Variants in EXOC6B observed in about 807,000 individuals in gnomAD.
EXOC6B encodes exocyst complex component 6B, also known as SEC15 homolog B.
In EXOC6B, 54 loss-of-function variants were observed where a neutral mutation model predicts 113.5. The ratio of observed to expected loss-of-function variants is 0.48; its 90% CI spans 0.38 to 0.60. EXOC6B has a LOEUF of 0.60. EXOC6B is among the 20% of genes least tolerant of loss of function. EXOC6B has a pLI of 0.00. For synonymous variants in EXOC6B, 357 were observed against 339.0 expected (o/e 1.05, Z -0.58); for missense variants, 797 against 977.5 (o/e 0.82, Z 2.46).
intron 18 of EXOC6B, among the ~76,000 whole-genome samples, chr2:72,409,507 C>T (rs1694019182): frequency 6.6e-6 from 1 of 152,096 alleles, no homozygotes; most frequent in East Asian, 1.9e-4. Flanking sequence ...GAAAAGTTGG[C>T]ACATATACAC....
chr2:72,266,446 G>A (rs62147632), intron 20 of EXOC6B, among the ~76,000 whole-genome samples: 558 of 123,952 alleles, frequency 4.5e-3, no homozygotes, highest in South Asian at 0.011. Context: ...GTGTAAGGAA[G>A]GGATCCAGTT....
At chr2:72,272,164 T>C (rs1684532085) in intron 20 of EXOC6B, among the ~76,000 whole-genome samples, 1 of 152,124 alleles carries the variant, frequency 6.6e-6, no homozygotes. Flanking sequence ...GGCTGTGAAG[T>C]GCAGTGAGGT....
At chr2:72,671,268 C>G (rs1373495541) in intron 6 of EXOC6B, among the ~76,000 whole-genome samples, 1 of 152,166 alleles carries the variant, frequency 6.6e-6, no homozygotes, top group African/African-American at 2.4e-5. Context: ...ATCTATCTGA[C>G]AAGGGACTAA....
At chr2:72,631,229 TAC>T (rs1407332410) in intron 6 of EXOC6B, among the ~76,000 whole-genome samples, 21 of 151,842 alleles carry the variant, frequency 1.4e-4, no homozygotes, top group Non-Finnish European at 2.6e-4. Context: ...TATGTGTGTG[TAC>T]ATATATGTAT....
At chr2:72,627,429 A>G (rs1558858619) in intron 6 of EXOC6B, among the ~76,000 whole-genome samples, 1 of 152,216 alleles carries the variant, frequency 6.6e-6, no homozygotes, top group Non-Finnish European at 1.5e-5. Flanking sequence ...TAATTTGACA[A>G]ACTATGCTGC....
intron 8 of EXOC6B, among the ~76,000 whole-genome samples, chr2:72,516,271 C>T (rs1402182559): frequency 6.6e-6 from 1 of 152,006 alleles, no homozygotes; most frequent in East Asian, 1.9e-4. Flanking sequence ...TTTTTTGAGA[C>T]AGCATCTCAC....
At chr2:72,281,099 C>T (rs886295735) in intron 20 of EXOC6B, among the ~76,000 whole-genome samples, 1 of 152,126 alleles carries the variant, frequency 6.6e-6, no homozygotes, top group Non-Finnish European at 1.5e-5. Flanking sequence ...AGTTGGGACA[C>T]ATAAAGGGAT....
intron 6 of EXOC6B, among the ~76,000 whole-genome samples, chr2:72,587,253 T>C (rs2103905946): frequency 6.6e-6 from 1 of 152,336 alleles, no homozygotes; most frequent in East Asian, 1.9e-4. Context: ...AATGAAATCA[T>C]GTCCTTTGCA....
At chr2:72,236,751 T>C (rs1028275984) in intron 20 of EXOC6B, among the ~76,000 whole-genome samples, 9 of 152,028 alleles carry the variant, frequency 5.9e-5, no homozygotes, top group Non-Finnish European at 1.0e-4. Flanking sequence ...AGATTTAGTA[T>C]AAATAGATTA....
chr2:72,819,079 T>A (rs1207988542), intron 1 of EXOC6B, among the ~76,000 whole-genome samples: 1 of 152,216 alleles, frequency 6.6e-6, no homozygotes, highest in Non-Finnish European at 1.5e-5. Context: ...TGGAAGAGTA[T>A]CTGGCACATA....
At chr2:72,575,295 T>A (rs1022563755) in intron 7 of EXOC6B, among the ~76,000 whole-genome samples, 197 bp downstream of exon 7, 1 of 152,138 alleles carries the variant, frequency 6.6e-6, no homozygotes, top group African/African-American at 2.4e-5. Context: ...ATTTGAATTC[T>A]CAAAAAAGAA....
intron 6 of EXOC6B, among the ~76,000 whole-genome samples, chr2:72,624,867 G>A (rs564391979): frequency 6.6e-6 from 1 of 152,024 alleles, no homozygotes; most frequent in Non-Finnish European, 1.5e-5. Flanking sequence ...ACCTATAAAA[G>A]AAGAAACAGA....
intron 20 of EXOC6B, among the ~76,000 whole-genome samples, chr2:72,246,994 A>T (rs1161376444): frequency 6.6e-6 from 1 of 152,128 alleles, no homozygotes; most frequent in African/African-American, 2.4e-5. Context: ...TGTGATCCAT[A>T]TTTAGCAACT....
chr2:72,401,499 A>G (rs1693160129), intron 18 of EXOC6B, among the ~76,000 whole-genome samples: 1 of 57,162 alleles, frequency 1.7e-5, no homozygotes, highest in African/African-American at 3.2e-4. Context: ...ATATACATAT[A>G]TATATATATA....
intron 1 of EXOC6B, among the ~76,000 whole-genome samples, chr2:72,775,107 T>C (rs575283652): frequency 2.5e-4 from 38 of 152,272 alleles, no homozygotes; most frequent in Admixed American, 2.2e-3. Flanking sequence ...AGCAACTCAA[T>C]GTGTTCACCA....
chr2:72,724,187 G>C (rs1289898698), intron 5 of EXOC6B, among the ~76,000 whole-genome samples: 1 of 152,098 alleles, frequency 6.6e-6, no homozygotes, highest in Non-Finnish European at 1.5e-5. Context: ...CACATGGATA[G>C]GTAAAAAGAA....
intron 8 of EXOC6B, among the ~76,000 whole-genome samples, chr2:72,532,979 T>TATTTAGGGA (rs1171184855): frequency 6.6e-6 from 1 of 152,140 alleles, no homozygotes; most frequent in Non-Finnish European, 1.5e-5. Context: ...AATTTACCTA[T>TATTTAGGGA]AATAACTTTC....
At chr2:72,193,138 CA>C (rs1304940820) in intron 20 of EXOC6B, among the ~76,000 whole-genome samples, 1 of 152,068 alleles carries the variant, frequency 6.6e-6, no homozygotes, top group Non-Finnish European at 1.5e-5. Flanking sequence ...GGCAGTAGAG[CA>C]CAGCAAAAAG....
At chr2:72,508,184 A>AAAAAAAAAACAC (rs923877882) in intron 11 of EXOC6B, among the ~76,000 whole-genome samples, 3 of 89,114 alleles carry the variant, frequency 3.4e-5, no homozygotes, top group African/African-American at 2.0e-4. Flanking sequence ...AAAAAAAAAA[A>AAAAAAAAAACAC]ACACCTAAAA....
Sources: allele counts gnomAD v4.1 joint callset (sites outside exome capture counted in the v4.1 genomes callset), GRCh38; gene constraint gnomAD v4.1.1; transcripts MANE v1.5; gene names NCBI Gene and HGNC (gene_info 2026-07-23, HGNC 2026-07-21).